Variants in KAZN observed in about 807,000 individuals in gnomAD.
KAZN encodes kazrin, periplakin interacting protein.
Under a neutral mutation model 87.4 loss-of-function variants are expected in KAZN, and 40 were observed. The observed-to-expected ratio is 0.46, with a 90% confidence interval of 0.36 to 0.60. The LOEUF (loss-of-function observed/expected upper bound fraction) is 0.60, where lower values mean the gene tolerates loss of function less well. KAZN is among the 20% of genes least tolerant of loss of function. The probability of loss-of-function intolerance (pLI) is 0.00; values close to 1 mark genes in which losing one functional copy is unlikely to be tolerated. For missense variants in KAZN, 898 were observed against 1,073.9 expected, an observed-to-expected ratio of 0.84 and a Z score of 2.29; for synonymous variants, 466 against 458.3, an observed-to-expected ratio of 1.02 and a Z score of -0.22.
intron 2 of KAZN, among the ~76,000 whole-genome samples, chr1:14,507,933 C>G (rs1443740566): frequency 6.6e-6 from 1 of 151,524 alleles, no homozygotes; most frequent in African/African-American, 2.4e-5. Context: ...CGCCACTGCT[C>G]TCCAGCCTGG....
chr1:14,067,688 A>G (rs893965658), intron 1 of KAZN, among the ~76,000 whole-genome samples: 1 of 151,978 alleles, frequency 6.6e-6, no homozygotes, highest in African/African-American at 2.4e-5. Flanking sequence ...GACTCTTTTG[A>G]TTGACAGAAT....
intron 1 of KAZN, among the ~76,000 whole-genome samples, chr1:14,626,357 G>A (rs1162670103): frequency 2.6e-5 from 4 of 152,212 alleles, no homozygotes; most frequent in African/African-American, 7.2e-5. Context: ...TCCTAACAGC[G>A]TGCTTTTGTA....
chr1:14,167,451 G>A (rs1473390506), intron 1 of KAZN, among the ~76,000 whole-genome samples: 1 of 152,162 alleles, frequency 6.6e-6, no homozygotes, highest in Non-Finnish European at 1.5e-5. Context: ...GGCAGGGCAT[G>A]GTGGCTCATG....
Position 13,965,817 on chromosome 1 carries a change from T to A in KAZN, c.91+72061T>A, listed in dbSNP as rs549214938. Among the ~76,000 whole-genome samples the A allele has an allele frequency of 9.2e-5, 14 of 152,276 alleles. No homozygotes were observed. The East Asian group carries it at 2.5e-3, about 27-fold the overall frequency. ...GGGTCTATCTGATTGAATTACATTGTTTCCATGTCATCACCTGAATGTAAA... is the reference window on the plus strand; with the variant it reads ...GGGTCTATCTGATTGAATTACATTGATTCCATGTCATCACCTGAATGTAAA... On this transcript the variant is annotated intron_variant, in intron 1 of 16. Coordinates refer to the KAZN transcript ENST00000636203.
At chr1:14,370,123 A>G (rs1339697539) in intron 2 of KAZN, among the ~76,000 whole-genome samples, 1 of 152,218 alleles carries the variant, frequency 6.6e-6, no homozygotes, top group Non-Finnish European at 1.5e-5. Flanking sequence ...GGAAAGGGTC[A>G]GTGGTTTCCA....
Position 13,920,954 on chromosome 1 carries a change from A to G in KAZN, c.91+27198A>G, listed in dbSNP as rs138900590. Among the ~76,000 whole-genome samples, 525 of 152,292 alleles carry G rather than the reference A, an allele frequency of 3.4e-3. 1 individual carries two copies. Among genetic ancestry groups the G allele is most frequent in the Middle Eastern group, 0.01 (3 of 294 alleles). ...CTGCGCTGTCACTTGTCAGATGTAC[A>G]GCTCAGAGGAATGTGCACATAGCAT... On this transcript the variant is annotated intron_variant, in intron 1 of 16. Coordinates refer to the KAZN transcript ENST00000636203.
intron 1 of KAZN, among the ~76,000 whole-genome samples, chr1:14,697,159 A>AAAAAAAAAAG (rs1557897126): frequency 3.0e-5 from 4 of 135,072 alleles, no homozygotes; most frequent in East Asian, 2.1e-4. Context: ...AAAAAAAAAG[A>AAAAAAAAAAG]AAAGAAAAGA....
chr1:14,961,013 C>G (rs1663794702), intron 2 of KAZN, 138 bp downstream of exon 2: 2 of 867,096 alleles, frequency 2.3e-6, no homozygotes, highest in Admixed American at 6.1e-5. Context: ...CTGCCCTGTC[C>G]CTTCTTCGAG....
At chr1:14,899,206 G>A (rs1222420003) in intron 1 of KAZN, among the ~76,000 whole-genome samples, 1 of 152,228 alleles carries the variant, frequency 6.6e-6, no homozygotes, top group Non-Finnish European at 1.5e-5. Flanking sequence ...GCTAAGTCAA[G>A]TTCACTGGCA....
intron 1 of KAZN, among the ~76,000 whole-genome samples, chr1:13,945,706 T>TGAGAGAGAGAGA (rs1422921953): frequency 1.2e-4 from 17 of 140,842 alleles, no homozygotes; most frequent in African/African-American, 4.5e-4. Context: ...TGTGTGTGTG[T>TGAGAGAGAGAGA]GTGTGAGAGA....
At chr1:14,165,462 C>A (rs12022342) in intron 1 of KAZN, among the ~76,000 whole-genome samples, 2 of 151,990 alleles carry the variant, frequency 1.3e-5, no homozygotes, top group Admixed American at 6.6e-5. Context: ...GCCTCCTGTC[C>A]GTGGCTCACC....
In KAZN at chr1:14,949,982, T is replaced by G. The variant is rs1340842280; in HGVS notation, c.227-10702T>G. On this transcript the variant is annotated intron_variant, in intron 1 of 14. Coordinates refer to ENST00000376030, the MANE Select transcript of KAZN (RefSeq NM_201628.3). This position sits in a 1 kb window ranked among gnomAD's most constrained non-coding sequence, Gnocchi z 4.3. ...GGCCAGCGGCTTCACCGGAAGAGCC[T>G]CTGCACGGAAGACGGTTTCAACACC... Among the ~76,000 whole-genome samples the G allele has an allele frequency of 3.9e-5, 6 of 151,990 alleles. No individual in the cohort carries two copies. Among genetic ancestry groups the G allele is most frequent in the Admixed American group, 2.0e-4 (3 of 15,264 alleles).
At chr1:15,046,766 G>C (rs760676196) in intron 4 of KAZN, among the ~76,000 whole-genome samples, 1 of 152,222 alleles carries the variant, frequency 6.6e-6, no homozygotes, top group Non-Finnish European at 1.5e-5. Flanking sequence ...AGGGACTTCT[G>C]GGGTCCAGGG....
chr1:14,299,910 A>G (rs1654416078), intron 2 of KAZN, among the ~76,000 whole-genome samples: 1 of 152,160 alleles, frequency 6.6e-6, no homozygotes, highest in African/African-American at 2.4e-5. Context: ...AATCACCTCT[A>G]TCATGAGCAT....
intron 2 of KAZN, among the ~76,000 whole-genome samples, chr1:14,993,571 C>A (rs1018942715): frequency 5.3e-5 from 8 of 152,186 alleles, no homozygotes; most frequent in Non-Finnish European, 1.2e-4. Context: ...CCAGCCCTAA[C>A]AAGCAGTGTT....
chr1:15,048,767 CGATCCTGGGTCGTT>C (rs1347941817), intron 4 of KAZN, among the ~76,000 whole-genome samples: 1,441 of 120,108 alleles, frequency 0.012, 74 homozygotes, highest in African/African-American at 0.045. Flanking sequence ...CCTGGGTCGT[CGATCCTGGGTCGTT>C]GATCCTTGGT....
chr1:14,840,075 T>A (rs1217358960), intron 1 of KAZN, among the ~76,000 whole-genome samples: 1 of 148,866 alleles, frequency 6.7e-6, no homozygotes, highest in African/African-American at 2.5e-5. Context: ...CACCTGGCAC[T>A]GCAGAAAACT....
intron 1 of KAZN, among the ~76,000 whole-genome samples, chr1:14,003,576 A>G (rs1005505417): frequency 6.6e-6 from 1 of 152,196 alleles, no homozygotes. Context: ...AAATATACCC[A>G]CAAATATACA....
Position 14,138,081 on chromosome 1 carries a change from C to CTGTGTGTGTG in KAZN, c.92-42354_92-42353insTGTGTGTGTG, listed in dbSNP as rs144840101. On this transcript the variant is annotated intron_variant, in intron 1 of 16. Transcript: ENST00000636203. ...AAATGTTAGCATTAAATAAATGTTACAGTGTGTGTGTGTGTGTGTGTGTGT... is the reference window on the plus strand; with the variant it reads ...AAATGTTAGCATTAAATAAATGTTACTGTGTGTGTGAGTGTGTGTGTGTGTGTGTGTGTGT... Among the ~76,000 whole-genome samples the CTGTGTGTGTG allele has an allele frequency of 4.4e-3, 594 of 134,100 alleles. 3 individuals carry two copies. Among genetic ancestry groups the CTGTGTGTGTG allele is most frequent in the African/African-American group, 0.017 (568 of 32,950 alleles). The allele number at this position is 134,100 out of a possible 152,430, so 88.0% of individuals were successfully genotyped here. A position where few individuals can be genotyped will look rare whatever the true frequency, so the allele number is the denominator to read the frequency against.
Sources: allele counts gnomAD v4.1 joint callset (sites outside exome capture counted in the v4.1 genomes callset), GRCh38; gene constraint gnomAD v4.1.1; non-coding constraint Gnocchi (gnomAD v3.1); transcripts MANE v1.5; gene names NCBI Gene and HGNC (gene_info 2026-07-23, HGNC 2026-07-21).